BDNF: variants seen among roughly 807,000 people sequenced by gnomAD.
The protein encoded by BDNF is neurotrophic factor BDNF precursor form.
In BDNF, 1 loss-of-function variant was observed where a neutral mutation model predicts 19.5. The observed-to-expected ratio is 0.05, with a 90% CI of 0.02 to 0.24. The LOEUF (loss-of-function observed/expected upper bound fraction) is 0.24. Among genes scored for constraint, BDNF ranks in the 10% least tolerant of loss-of-function variants. The pLI is 1.00. For missense variants in BDNF, 195 were observed against 317.6 expected, an observed-to-expected ratio of 0.61 and a Z score of 2.93; for synonymous variants, 100 against 121.6, an observed-to-expected ratio of 0.82 and a Z score of 1.17.
chr11:27,697,162 C>CAGAGAGAGAGAGAGAG (rs1271043342), intron 1 of BDNF, among the ~76,000 whole-genome samples: 14 of 125,192 alleles, frequency 1.1e-4, no homozygotes, highest in East Asian at 9.4e-4. Context: ...CACACACACA[C>CAGAGAGAGAGAGAGAG]ACAGAGAGAG....
intron 1 of BDNF, among the ~76,000 whole-genome samples, chr11:27,682,384 T>C (rs901058033): frequency 2.7e-5 from 4 of 148,702 alleles, no homozygotes; most frequent in Admixed American, 6.8e-5. Flanking sequence ...TTCTATTTTA[T>C]TGTATTTCTT....
At position 27,718,354 on chromosome 11, in the gene BDNF, A is replaced by AT. The variant is rs1554950386; in HGVS notation, c.3+3057_3+3058insA. Reference sequence around the variant, plus strand: ...TCCTCCATTCCCCGTTCCGCACACCACCCCCCCCCGCCCCTCCCGGGATTT... The same window carrying AT: ...TCCTCCATTCCCCGTTCCGCACACCATCCCCCCCCCGCCCCTCCCGGGATTT... On this transcript the variant is annotated intron_variant, in intron 1 of 1. Transcript: ENST00000314915. Among the ~76,000 whole-genome samples the AT allele has an allele frequency of 8.2e-4, 83 of 101,142 alleles. 3 individuals carry two copies. Among genetic ancestry groups the AT allele is most frequent in the Non-Finnish European group, 1.2e-3 (61 of 48,900 alleles). The allele number at this position is 101,142 out of a possible 152,430, so 66.4% of individuals were successfully genotyped here.
At chr11:27,697,909 G>A (rs898286951) in intron 1 of BDNF, 21 of 152,042 alleles carry the variant, frequency 1.4e-4, no homozygotes, top group South Asian at 4.1e-4. Flanking sequence ...AAACATGTAC[G>A]TAAGCCTTGT....
At chr11:27,713,219 T>A (rs1860407702) in intron 1 of BDNF, among the ~76,000 whole-genome samples, 1 of 152,140 alleles carries the variant, frequency 6.6e-6, no homozygotes, top group Non-Finnish European at 1.5e-5. Context: ...TCTTAAACAT[T>A]GATTATGGAA....
chr11:27,716,140 A>G (rs867339297), intron 1 of BDNF, among the ~76,000 whole-genome samples: 1 of 152,330 alleles, frequency 6.6e-6, no homozygotes. Flanking sequence ...CTCAAAAGAC[A>G]CTTGTTAAAG....
Position 27,657,022 on chromosome 11 carries a change from A to G in BDNF, c.*799T>C, listed in dbSNP as rs1408293280. 3.0e-6 allele frequency: 3 copies of G among 985,400 alleles called. No homozygotes were observed. Among genetic ancestry groups the G allele is most frequent in the East Asian group, 2.3e-4 (2 of 8,834 alleles). 61.0% of individuals were successfully genotyped at this position (985,400 alleles called of 1,614,324 possible). A position where few individuals can be genotyped will look rare whatever the true frequency, so the allele number is the denominator to read the frequency against. ...CCGTCAAAAGCAGCTTACTCTGACCAACGCCCAAAGAATGAGCGGGGCCTG... is the reference window on the plus strand; with the variant it reads ...CCGTCAAAAGCAGCTTACTCTGACCGACGCCCAAAGAATGAGCGGGGCCTG... On this transcript the variant is annotated 3_prime_UTR_variant, in exon 2 of 2. Coordinates refer to ENST00000356660, the MANE Select transcript of BDNF (RefSeq NM_001709.5). The surrounding 1 kb of genome is among the most constrained non-coding windows in gnomAD (Gnocchi z 5.0).
intron 1 of BDNF, chr11:27,699,336 G>A (rs749900836): frequency 1.2e-6 from 2 of 1,611,444 alleles, no homozygotes; most frequent in Non-Finnish European, 1.7e-6. Flanking sequence ...GTCAGGCACA[G>A]AGCCCCCAAT....
At chr11:27,699,419 C>T in intron 1 of BDNF, 1 of 1,614,126 alleles carries the variant, frequency 6.2e-7, no homozygotes, top group African/African-American at 1.3e-5. Context: ...CAGAGACTAA[C>T]CCGAGTCAAG....
intron 1 of BDNF, among the ~76,000 whole-genome samples, chr11:27,708,932 A>G (rs779637521): frequency 6.7e-6 from 1 of 148,678 alleles, no homozygotes; most frequent in Non-Finnish European, 1.5e-5. Context: ...GGGTTCAAGC[A>G]ATTCTCCTGC....
chr11:27,715,846 C>A (rs1296631820), intron 1 of BDNF, among the ~76,000 whole-genome samples: 1 of 152,098 alleles, frequency 6.6e-6, no homozygotes, highest in Admixed American at 6.5e-5. Flanking sequence ...ATAAGGAAAT[C>A]AAATGAAACC....
chr11:27,684,744 T>A (rs1244283284), intron 1 of BDNF, among the ~76,000 whole-genome samples: 1 of 152,202 alleles, frequency 6.6e-6, no homozygotes, highest in African/African-American at 2.4e-5. Flanking sequence ...ATCCCAGGGA[T>A]GAAGCCAAAT....
intron 1 of BDNF, among the ~76,000 whole-genome samples, chr11:27,698,633 T>C (rs4258332): frequency 1 from 151,756 of 152,284 alleles, 75,616 homozygotes; most frequent in Middle Eastern, 1. Context: ...GGATATTGAG[T>C]CAGTAGGGAG....
rs1292649875 is a variant in BDNF at position 27,658,097 on chromosome 11, T to C, written c.468A>G (p.Ala156=). 6.2e-7 allele frequency: 1 copy of C among 1,614,082 alleles called. No homozygotes were observed. The highest frequency in any genetic ancestry group is 8.5e-7 in the Non-Finnish European group (1 of 1,180,050). Residue 156 remains alanine (A), a synonymous_variant, in exon 2 of 2, where the codon GCA becomes GCG. Coordinates refer to ENST00000356660, the MANE Select transcript of BDNF (RefSeq NM_001709.5). This position sits in a 1 kb window ranked among gnomAD's most constrained non-coding sequence, Gnocchi z 5.7. ...EWVTAADKKT[A]VDMSGGTVTV... ...TGACCGTCCCGCCCGACATGTCCAC[T>C]GCAGTCTTTTTGTCTGCCGCCGTTA...
At chr11:27,710,445 A>G (rs1465509958) in intron 1 of BDNF, among the ~76,000 whole-genome samples, 1 of 152,224 alleles carries the variant, frequency 6.6e-6, no homozygotes, top group African/African-American at 2.4e-5. Flanking sequence ...AGTTGGTGCA[A>G]AGACACAAAG....
In BDNF at chr11:27,658,728, A is replaced by C. The variant is rs1590219602; in HGVS notation, c.-21-143T>G. ...TGTCTTGGTGATAAACTCCAGCTGC[A>C]CCAGACACAAATCAGTGTCAGTAGT... On this transcript the variant is annotated intron_variant, in intron 1 of 1. Coordinates refer to ENST00000356660, the MANE Select transcript of BDNF (RefSeq NM_001709.5). This position sits in a 1 kb window ranked among gnomAD's most constrained non-coding sequence, Gnocchi z 5.7. 2.6e-6 allele frequency: 4 copies of C among 1,543,784 alleles called. No homozygotes were observed. The highest frequency in any genetic ancestry group is 8.7e-7 in the Non-Finnish European group (1 of 1,145,596).
intron 1 of BDNF, among the ~76,000 whole-genome samples, chr11:27,693,086 C>T (rs1199962380): frequency 2.0e-5 from 3 of 152,214 alleles, no homozygotes; most frequent in East Asian, 1.9e-4. Context: ...ATCCTGGTCA[C>T]AGTGATTTGA....
At chr11:27,700,556 C>T, upstream of BDNF, 1 of 928,132 alleles carries the variant, frequency 1.1e-6, no homozygotes. Flanking sequence ...CCGCTCCCCG[C>T]TCGCCCGCGC....
intron 1 of BDNF, among the ~76,000 whole-genome samples, chr11:27,710,536 G>A (rs1860282306): frequency 6.6e-6 from 1 of 152,180 alleles, no homozygotes; most frequent in South Asian, 2.1e-4. Flanking sequence ...GGATCCTTTG[G>A]AGGAAGAGCA....
At chr11:27,717,681 T>G (rs889436995) in intron 1 of BDNF, among the ~76,000 whole-genome samples, 2 of 152,250 alleles carry the variant, frequency 1.3e-5, no homozygotes, top group African/African-American at 4.8e-5. Context: ...TCTTCCCTTC[T>G]TCTCTCCATC....
Sources: gnomAD v4.1 joint callset for allele counts (sites outside exome capture counted in the v4.1 genomes callset) on GRCh38, gnomAD v4.1.1 for gene constraint, Gnocchi (gnomAD v3.1) non-coding constraint, MANE v1.5 for transcripts, NCBI Gene and HGNC (gene_info 2026-07-23, HGNC 2026-07-21) for gene names.